Variants in DSTYK observed in about 807,000 individuals in gnomAD.
DSTYK encodes RIP-homologous kinase.
DSTYK carries 34 observed loss-of-function variants against 98.7 expected under a neutral mutation model. The ratio of observed to expected loss-of-function variants is 0.34; its 90% CI spans 0.26 to 0.46. The LOEUF is 0.46. DSTYK is among the 20% of genes least tolerant of loss of function. The pLI is 1.00. For missense variants in DSTYK, 962 were observed against 1,181.7 expected, an observed-to-expected ratio of 0.81 and a Z score of 2.73; for synonymous variants, 462 against 457.3, an observed-to-expected ratio of 1.01 and a Z score of -0.13.
intron 2 of DSTYK, among the ~76,000 whole-genome samples, chr1:205,179,910 A>G (rs370095873): frequency 1.2e-4 from 19 of 152,156 alleles, no homozygotes; most frequent in East Asian, 5.8e-4. Flanking sequence ...AAACAAACAA[A>G]TATGTGAGAT....
At chr1:205,163,677 A>G in intron 4 of DSTYK, 46 bp downstream of exon 4, 1 of 1,481,996 alleles carries the variant, frequency 6.7e-7, no homozygotes, top group East Asian at 2.3e-5. Context: ...CAGATTTTTC[A>G]TGTGCTATCT....
intron 1 of DSTYK, among the ~76,000 whole-genome samples, chr1:205,197,611 G>A (rs1295893518): frequency 2.7e-5 from 4 of 150,376 alleles, no homozygotes; most frequent in Non-Finnish European, 3.0e-5. Flanking sequence ...AAAACCAGCC[G>A]GAAAAAAAAA....
chr1:205,175,607 C>T (rs187948414), intron 2 of DSTYK, among the ~76,000 whole-genome samples: 30 of 152,224 alleles, frequency 2.0e-4, no homozygotes, highest in Middle Eastern at 3.4e-3. Flanking sequence ...TTCTGCAATA[C>T]TCAGTGAAGG....
intron 10 of DSTYK, among the ~76,000 whole-genome samples, chr1:205,152,388 G>C (rs1471837485): frequency 3.3e-5 from 5 of 152,164 alleles, no homozygotes. Context: ...CGTTGGTCAG[G>C]TTGGTCTCGA....
rs1659209443 is a variant in DSTYK at position 205,206,569 on chromosome 1, G to A, written c.265+4702C>T. ...GTTGGGATTACAGGCGTGAGCCACC[G>A]CACCTGGCCTGTTCTTTTTTTTTTT... On this transcript the variant is annotated intron_variant, in intron 1 of 12. Coordinates refer to ENST00000367162, the MANE Select transcript of DSTYK (RefSeq NM_015375.3). 4.1e-5 allele frequency among the ~76,000 whole-genome samples: 6 copies of A among 147,756 alleles called. No homozygotes were observed. The South Asian group carries it at 1.3e-3, about 32-fold the overall frequency.
intron 10 of DSTYK, among the ~76,000 whole-genome samples, chr1:205,153,401 A>G (rs12142514): frequency 0.5 from 76,603 of 151,854 alleles, 21,763 homozygotes; most frequent in Non-Finnish European, 0.64. Flanking sequence ...GCAATAACAA[A>G]GCTCAGACTC....
intron 2 of DSTYK, among the ~76,000 whole-genome samples, chr1:205,171,430 G>A (rs1298739982): frequency 1.4e-5 from 2 of 144,834 alleles, no homozygotes; most frequent in Non-Finnish European, 3.0e-5. Flanking sequence ...CAGCTTGGGC[G>A]ACAAAGCAAG....
chr1:205,202,329 T>A, intron 1 of DSTYK: 2 of 701,424 alleles, frequency 2.9e-6, no homozygotes, highest in South Asian at 2.7e-5. Context: ...AGCCACGAAG[T>A]ATCTGAAAGC....
At chr1:205,174,725 AG>A (rs1260430464) in intron 2 of DSTYK, among the ~76,000 whole-genome samples, 1 of 138,976 alleles carries the variant, frequency 7.2e-6, no homozygotes, top group African/African-American at 2.6e-5. Context: ...AAGGGATTTC[AG>A]GCTTTATTTT....
chr1:205,180,197 CA>C (rs35209940), intron 2 of DSTYK, among the ~76,000 whole-genome samples: 24,649 of 152,026 alleles, frequency 0.16, 2,734 homozygotes, highest in East Asian at 0.44. Context: ...CTGCACCTAT[CA>C]ACCCGTCATC....
chr1:205,207,652 A>G (rs1659243452), intron 1 of DSTYK, among the ~76,000 whole-genome samples: 1 of 146,044 alleles, frequency 6.8e-6, no homozygotes, highest in Non-Finnish European at 1.5e-5. Context: ...GCTACTCAGG[A>G]CGCTGAAGCA....
In DSTYK at chr1:205,169,950, AC is replaced by A. The variant is rs1658009806; in HGVS notation, c.655-119del. Reference sequence around the variant, plus strand: ...TACAATGGAACAATTGGACTTCGGTACCCCAGCCATTGATCCACCTCCTTCC... The same window carrying A: ...TACAATGGAACAATTGGACTTCGGTACCCAGCCATTGATCCACCTCCTTCC... On this transcript the variant is annotated intron_variant, in intron 2 of 12. Coordinates refer to ENST00000367162, the MANE Select transcript of DSTYK (RefSeq NM_015375.3). The surrounding 1 kb of genome is among the most constrained non-coding windows in gnomAD (Gnocchi z 4.0). 1 of 954,806 alleles carries A rather than the reference AC, an allele frequency of 1.0e-6. No individual in the cohort carries two copies. Among genetic ancestry groups the A allele is most frequent in the Non-Finnish European group, 1.5e-6 (1 of 659,136 alleles). The allele number at this position is 954,806 out of a possible 1,614,324, so 59.1% of individuals were successfully genotyped here. A position where few individuals can be genotyped will look rare whatever the true frequency, so the allele number is the denominator to read the frequency against.
intron 2 of DSTYK, among the ~76,000 whole-genome samples, chr1:205,185,061 C>T (rs1455213481): frequency 1.3e-5 from 2 of 151,692 alleles, no homozygotes; most frequent in Non-Finnish European, 2.9e-5. Context: ...ATTAGCTGGG[C>T]GTGGTGGCAC....
At chr1:205,170,830 C>T (rs1046604277) in intron 2 of DSTYK, among the ~76,000 whole-genome samples, 2 of 151,980 alleles carry the variant, frequency 1.3e-5, no homozygotes, top group Admixed American at 6.6e-5. Context: ...GTCCTTTGGC[C>T]TTGTCCTTCT....
intron 3 of DSTYK, among the ~76,000 whole-genome samples, chr1:205,166,323 T>C (rs1314968327): frequency 6.6e-6 from 1 of 152,158 alleles, no homozygotes; most frequent in African/African-American, 2.4e-5. Flanking sequence ...CTAGCACATA[T>C]GCATTGTCTT....
chr1:205,147,566 A>T lies in DSTYK; in HGVS notation c.2782T>A (p.Ser928Thr), dbSNP rs146033090. 6.7e-5 allele frequency: 107 copies of T among 1,604,350 alleles called. No homozygotes were observed. Among genetic ancestry groups the T allele is most frequent in the Admixed American group, 2.3e-4 (14 of 59,776 alleles). Residue 928 changes from serine (S) to threonine (T), a missense_variant, in exon 13 of 13, where the codon TCT becomes ACT. Physicochemically the swap from Ser to Thr is moderately conservative, Grantham distance 58. Around this residue, in one of 4 missense-constraint regions of DSTYK, gnomAD observed 65 missense variants for 63.9 expected, o/e 1.02. Transcript: ENST00000367162. ...GAGAAAGGTCTTTGCTTTCAAGTAGAATCATCTAGTCCTCTGTTTGGCTGC... is the reference window on the plus strand; with the variant it reads ...GAGAAAGGTCTTTGCTTTCAAGTAGTATCATCTAGTCCTCTGTTTGGCTGC... Reference protein sequence around the residue: ...SEQPNRGLDDST With the variant: ...SEQPNRGLDDTT
At chr1:205,195,812 G>C (rs561994974) in intron 1 of DSTYK, among the ~76,000 whole-genome samples, 1 of 152,324 alleles carries the variant, frequency 6.6e-6, no homozygotes, top group East Asian at 1.9e-4. Context: ...ACGTGAAATG[G>C]GAACGCACTC....
rs528879356 is a variant in DSTYK at position 205,167,972 on chromosome 1, G to A, written c.1324+1191C>T. Among the ~76,000 whole-genome samples, 3 of 152,296 alleles carry A rather than the reference G, an allele frequency of 2.0e-5. No homozygotes were observed. The East Asian group carries it at 5.8e-4, about 29-fold the overall frequency. ...AAAAAAAAATTTAGCCGGGAACGGT[G>A]GCACACGCCTGTAATCCCAGTTACT... On this transcript the variant is annotated intron_variant, in intron 3 of 12. Coordinates refer to ENST00000367162, the MANE Select transcript of DSTYK (RefSeq NM_015375.3).
In DSTYK at chr1:205,169,735, G is replaced by C. The variant is rs778672032; in HGVS notation, c.752C>G (p.Ala251Gly). 3 of 1,614,206 alleles carry C rather than the reference G, an allele frequency of 1.9e-6. No homozygotes were observed. Among genetic ancestry groups the C allele is most frequent in the Non-Finnish European group, 2.5e-6 (3 of 1,180,036 alleles). ...CTCAGAGAGTTCATCTTTGTGGAGT[G>C]CATAGGTTATCACAGGCAAGAAATC... is the stretch of plus-strand genomic sequence containing the variant. ...VNDFLPVITY[A>G]LHKDELSERD... Residue 251 changes from alanine (A) to glycine (G), a missense_variant, in exon 3 of 13, where the codon GCA (alanine) becomes GGA (glycine). By Grantham distance (60) the Ala-to-Gly change is moderately conservative (BLOSUM62 0). Transcript: ENST00000367162. This position sits in a 1 kb window ranked among gnomAD's most constrained non-coding sequence, Gnocchi z 4.0.
Sources: allele counts gnomAD v4.1 joint callset (sites outside exome capture counted in the v4.1 genomes callset), GRCh38; gene constraint gnomAD v4.1.1; regional missense constraint gnomAD v4.1.1; non-coding constraint Gnocchi (gnomAD v3.1); transcripts MANE v1.5; gene names NCBI Gene and HGNC (gene_info 2026-07-23, HGNC 2026-07-21).